Variants in SLF1 observed in about 807,000 individuals in gnomAD.
SLF1 encodes SMC5-SMC6 complex localization factor protein 1.
Under a neutral mutation model 123.0 loss-of-function variants are expected in SLF1, and 105 were observed. The observed-to-expected ratio is 0.85, with a 90% CI of 0.73 to 1.00. The LOEUF (loss-of-function observed/expected upper bound fraction) is 1.00. SLF1 is among the 50% of genes least tolerant of loss of function. The pLI is 0.00. For synonymous variants in SLF1, 434 were observed against 406.6 expected, an observed-to-expected ratio of 1.07 and a Z score of -0.81; for missense variants, 1,239 against 1,223.0, an observed-to-expected ratio of 1.01 and a Z score of -0.20.
At chr5:94,645,298 G>A (rs1746898103) in intron 5 of SLF1, among the ~76,000 whole-genome samples, 2 of 152,334 alleles carry the variant, frequency 1.3e-5, no homozygotes, top group Admixed American at 1.3e-4. Flanking sequence ...AACCAGCCCT[G>A]TAGTTAGCAG....
At chr5:94,688,058 A>G (rs1438970362) in intron 16 of SLF1, among the ~76,000 whole-genome samples, 2 of 151,570 alleles carry the variant, frequency 1.3e-5, no homozygotes, top group Admixed American at 1.3e-4. Context: ...ATATTAGTCA[A>G]ATTCTGTTTT....
chr5:94,691,394 C>A, intron 18 of SLF1, 170 bp from the exon 19 acceptor site: 3 of 197,380 alleles, frequency 1.5e-5, no homozygotes, highest in Non-Finnish European at 3.0e-5. Context: ...CCCCTTCCCA[C>A]CCCCCACCCC....
intron 6 of SLF1, 122 bp downstream of exon 6, chr5:94,649,719 T>TA (rs1747455069): frequency 1.4e-5 from 13 of 932,704 alleles, no homozygotes; most frequent in Non-Finnish European, 1.8e-5. Context: ...ACCATGTGTT[T>TA]ATAGTCTGTG....
In SLF1 at chr5:94,689,458, T is replaced by C; in HGVS notation, c.2286-15T>C. 1 of 1,600,942 alleles carries C rather than the reference T, an allele frequency of 6.2e-7. No individual in the cohort carries two copies. The highest frequency in any genetic ancestry group is 8.5e-7 in the Non-Finnish European group (1 of 1,175,814). ...TGAAAAACAAGCTTTCATTATTTCTTACTTTTCCTTTCAGAGACCTGAACC... is the reference window on the plus strand; with the variant it reads ...TGAAAAACAAGCTTTCATTATTTCTCACTTTTCCTTTCAGAGACCTGAACC... On this transcript the variant is annotated splice_polypyrimidine_tract_variant and intron_variant, in intron 17 of 20. Transcript: ENST00000265140.
rs747679986 is a variant in SLF1, at chr5:94,628,915, T to A, written c.105T>A (p.Ile35=). 9.3e-5 allele frequency: 144 copies of A among 1,541,544 alleles called. No individual in the cohort carries two copies. Among genetic ancestry groups the A allele is most frequent in the Non-Finnish European group, 1.2e-4 (136 of 1,141,532 alleles). ...TTTTAAAACTAGATTGCACTTTTAT[T>A]AAGAGTGAGGTAAGAAACTTATCAA... ...KLLLKLDCTF[I]KSEKYKNCTH... is the part of the protein sequence containing the mutation. Residue 35 remains isoleucine, a synonymous_variant, in exon 2 of 21, where the codon ATT becomes ATA. Coordinates refer to ENST00000265140, the MANE Select transcript of SLF1 (RefSeq NM_032290.4).
intron 15 of SLF1, among the ~76,000 whole-genome samples, chr5:94,680,463 T>C (rs1214596900): frequency 1.3e-5 from 2 of 152,154 alleles, no homozygotes; most frequent in Non-Finnish European, 2.9e-5. Flanking sequence ...GTTTAGTGGT[T>C]TTTATCCTTT....
rs539009581 is a variant in SLF1 at position 94,662,025 on chromosome 5, G to A, written c.1156-273G>A. Reference sequence around the variant, plus strand: ...CCCCATTTATATTTCTAATAATTACGACACTAAGGACAATGGACCTCTTCA... The same window carrying A: ...CCCCATTTATATTTCTAATAATTACAACACTAAGGACAATGGACCTCTTCA... On this transcript the variant is annotated intron_variant, in intron 9 of 20. Transcript: ENST00000265140. Among the ~76,000 whole-genome samples, 5 of 151,980 alleles carry A rather than the reference G, an allele frequency of 3.3e-5. No individual in the cohort carries two copies. In the South Asian group the frequency reaches 6.2e-4, roughly 19 times the overall value.
chr5:94,669,702 G>A (rs1431397787), intron 12 of SLF1, among the ~76,000 whole-genome samples: 1 of 102,148 alleles, frequency 9.8e-6, no homozygotes, highest in Non-Finnish European at 2.0e-5. Flanking sequence ...TATTAAAAAC[G>A]CTAAAAAAGT....
At chr5:94,627,619 T>C (rs1052525934) in intron 1 of SLF1, among the ~76,000 whole-genome samples, 9 of 136,956 alleles carry the variant, frequency 6.6e-5, no homozygotes, top group African/African-American at 2.5e-4. Flanking sequence ...TATATATATA[T>C]AGCAAAGTTA....
Position 94,696,964 on chromosome 5 carries a change from A to T in SLF1, c.*1652A>T, listed in dbSNP as rs1487479189. 6.6e-6 allele frequency: 1 copy of T among 151,906 alleles called. No individual in the cohort carries two copies. The highest frequency in any genetic ancestry group is 1.5e-5 in the Non-Finnish European group (1 of 67,890). The allele number at this position is 151,906 out of a possible 1,614,324, so 9.4% of individuals were successfully genotyped here. A position where few individuals can be genotyped will look rare whatever the true frequency, so the allele number is the denominator to read the frequency against. ...TCATTTAGACAAAAGGCAATATAGTAATTGTTTAAGTTGGTAGTAATTCTA... is the reference window on the plus strand; with the variant it reads ...TCATTTAGACAAAAGGCAATATAGTTATTGTTTAAGTTGGTAGTAATTCTA... On this transcript the variant is annotated 3_prime_UTR_variant, in exon 21 of 21. Coordinates refer to ENST00000265140, the MANE Select transcript of SLF1 (RefSeq NM_032290.4).
intron 16 of SLF1, among the ~76,000 whole-genome samples, chr5:94,688,140 A>G (rs1752665941): frequency 6.6e-6 from 1 of 152,000 alleles, no homozygotes; most frequent in South Asian, 2.1e-4. Flanking sequence ...TTTCTGTTCA[A>G]GGCATTATCA....
intron 5 of SLF1, among the ~76,000 whole-genome samples, chr5:94,644,983 A>C (rs1485259905): frequency 2.0e-5 from 3 of 152,196 alleles, no homozygotes; most frequent in East Asian, 3.8e-4. Context: ...ATATATCATT[A>C]TATAGTTACC....
intron 18 of SLF1, among the ~76,000 whole-genome samples, chr5:94,690,162 T>C (rs2152498777): frequency 6.6e-6 from 1 of 152,308 alleles, no homozygotes; most frequent in Admixed American, 6.5e-5. Context: ...GCATAATAAT[T>C]CACTTTGGCA....
intron 14 of SLF1, among the ~76,000 whole-genome samples, 199 bp downstream of exon 14, chr5:94,671,207 T>C (rs765954065): frequency 6.6e-6 from 1 of 151,898 alleles, no homozygotes; most frequent in Non-Finnish European, 1.5e-5. Context: ...TGTTTGCATG[T>C]AGTAGCTAGT....
At chr5:94,668,601 G>A (rs1750088379) in intron 12 of SLF1, among the ~76,000 whole-genome samples, 1 of 152,034 alleles carries the variant, frequency 6.6e-6, no homozygotes, top group African/African-American at 2.4e-5. Context: ...TTCCCAAAGT[G>A]CTGGGATTAC....
At chr5:94,618,376 T>G (rs1791163714), upstream of SLF1, 1 of 152,818 alleles carries the variant, frequency 6.5e-6, no homozygotes, top group Non-Finnish European at 1.5e-5. Flanking sequence ...GCCACGGGGT[T>G]TGATGGGGAC....
chr5:94,675,689 A>C (rs1176014339), intron 14 of SLF1, among the ~76,000 whole-genome samples: 1 of 152,160 alleles, frequency 6.6e-6, no homozygotes, highest in East Asian at 1.9e-4. Flanking sequence ...ATGTTTAGCT[A>C]ATGACATGAA....
intron 20 of SLF1, among the ~76,000 whole-genome samples, chr5:94,693,922 T>G (rs1753308129): frequency 6.6e-6 from 1 of 151,286 alleles, no homozygotes; most frequent in Admixed American, 6.6e-5. Flanking sequence ...ATATCTATGC[T>G]ACTATGTATG....
At chr5:94,692,498 A>G (rs559249425) in intron 20 of SLF1, among the ~76,000 whole-genome samples, 10 of 152,234 alleles carry the variant, frequency 6.6e-5, no homozygotes, top group Non-Finnish European at 1.0e-4. Context: ...AGGTTCGTGT[A>G]TGAGAGTCTG....
Sources: gnomAD v4.1 joint callset for allele counts (sites outside exome capture counted in the v4.1 genomes callset) on GRCh38, gnomAD v4.1.1 for gene constraint, MANE v1.5 for transcripts, NCBI Gene and HGNC (gene_info 2026-07-23, HGNC 2026-07-21) for gene names.